Variants in PUM1 observed in about 807,000 individuals in gnomAD.
PUM1 encodes the protein pumilio homolog 1.
A neutral mutation model predicts 131.8 loss-of-function variants in PUM1; 13 were observed. That is an observed-to-expected ratio of 0.10 (90% CI 0.06 to 0.16). PUM1 has a LOEUF of 0.16. Among genes scored for constraint, PUM1 ranks in the 10% least tolerant of loss-of-function variants. PUM1 has a pLI of 1.00. For synonymous variants in PUM1, 509 were observed against 556.5 expected, an observed-to-expected ratio of 0.91 and a Z score of 1.20; for missense variants, 961 against 1,512.4, an observed-to-expected ratio of 0.64 and a Z score of 6.05.
At chr1:30,966,726 TA>T (rs953393053) in intron 12 of PUM1, among the ~76,000 whole-genome samples, 4 of 152,204 alleles carry the variant, frequency 2.6e-5, no homozygotes, top group African/African-American at 9.6e-5. Context: ...TATAAACACT[TA>T]AAGTAAAAAA....
In PUM1 at chr1:31,007,564, G is replaced by A. The variant is rs1642438845; in HGVS notation, c.433-462C>T. Among the ~76,000 whole-genome samples the A allele has an allele frequency of 2.0e-5, 3 of 152,272 alleles. No individual in the cohort carries two copies. In the South Asian group the frequency reaches 6.2e-4, roughly 32 times the overall value. ...GAACCAGCTATGAACCTCAGCTATG[G>A]AATGCCAGAGGCAAAATTCACTTCC... On this transcript the variant is annotated intron_variant, in intron 3 of 21. Coordinates refer to ENST00000426105, the MANE Select transcript of PUM1 (RefSeq NM_001020658.2).
intron 5 of PUM1, among the ~76,000 whole-genome samples, chr1:30,999,643 A>G (rs932498473): frequency 1.1e-4 from 15 of 131,732 alleles, no homozygotes; most frequent in Non-Finnish European, 1.5e-4. Flanking sequence ...AAAAAAAAAA[A>G]GGTGCTGAAC....
At chr1:31,012,098 G>A (rs1247302093) in intron 3 of PUM1, among the ~76,000 whole-genome samples, 1 of 151,950 alleles carries the variant, frequency 6.6e-6, no homozygotes, top group Non-Finnish European at 1.5e-5. Flanking sequence ...AATCTCCCTG[G>A]CTCCAACTCT....
chr1:31,003,601 AC>A (rs1446213653), intron 5 of PUM1, among the ~76,000 whole-genome samples: 1 of 152,158 alleles, frequency 6.6e-6, no homozygotes, highest in East Asian at 1.9e-4. Context: ...TACTAAAAAT[AC>A]AAAAATTACC....
chr1:31,055,845 T>A (rs1348572662), intron 2 of PUM1, among the ~76,000 whole-genome samples: 5 of 152,160 alleles, frequency 3.3e-5, no homozygotes, highest in Non-Finnish European at 7.4e-5. Context: ...TTTGCTCACC[T>A]AGCAAAGAAC....
chr1:30,934,744 A>C lies in PUM1; in HGVS notation c.3436-1402T>G, dbSNP rs150611197. On this transcript the variant is annotated intron_variant, in intron 21 of 21. Coordinates refer to ENST00000426105, the MANE Select transcript of PUM1 (RefSeq NM_001020658.2). ...CCTTTTAGAAAATAACTGAAATCCAATCCATTCCTCTGTCCCTGGAACTGG... is the reference window on the plus strand; with the variant it reads ...CCTTTTAGAAAATAACTGAAATCCACTCCATTCCTCTGTCCCTGGAACTGG... 2.1e-4 allele frequency among the ~76,000 whole-genome samples: 32 copies of C among 152,236 alleles called. 1 individual carries two copies. The highest frequency in any genetic ancestry group is 7.2e-4 in the African/African-American group (30 of 41,550).
At chr1:31,058,618 C>T (rs1377289238) in intron 2 of PUM1, among the ~76,000 whole-genome samples, 4 of 139,352 alleles carry the variant, frequency 2.9e-5, no homozygotes, top group Admixed American at 1.5e-4. Context: ...GCAGAGATCG[C>T]GCCAGTGCAC....
intron 3 of PUM1, among the ~76,000 whole-genome samples, chr1:31,016,595 G>A (rs1642826802): frequency 6.6e-6 from 1 of 152,032 alleles, no homozygotes; most frequent in Non-Finnish European, 1.5e-5. Flanking sequence ...TAAAATTTGT[G>A]TTCTCATTAA....
intron 10 of PUM1, among the ~76,000 whole-genome samples, chr1:30,969,330 A>AG (rs1335495248): frequency 3.4e-5 from 5 of 147,710 alleles, no homozygotes; most frequent in South Asian, 2.2e-4. Context: ...AAAAAAAAAA[A>AG]AAAAAAGAAA....
chr1:31,004,497 A>G (rs1178485274), intron 5 of PUM1, among the ~76,000 whole-genome samples: 2 of 152,204 alleles, frequency 1.3e-5, no homozygotes, highest in African/African-American at 4.8e-5. Flanking sequence ...GGGTGAAGAA[A>G]GAGAAGTAAC....
intron 2 of PUM1, among the ~76,000 whole-genome samples, chr1:31,044,346 G>T (rs1006317896): frequency 1.3e-5 from 2 of 152,226 alleles, no homozygotes; most frequent in African/African-American, 4.8e-5. Context: ...AGCCTGCAGT[G>T]AGCTGAGATC....
chr1:31,034,877 T>C (rs1001639482), intron 2 of PUM1, among the ~76,000 whole-genome samples: 2 of 152,094 alleles, frequency 1.3e-5, no homozygotes, highest in Admixed American at 6.6e-5. Flanking sequence ...ATCAGAATCG[T>C]TGATGCCAGG....
At position 30,941,125 on chromosome 1, in the gene PUM1, T is replaced by C. The variant is rs3795433; in HGVS notation, c.3242+26A>G. 126,744 of 1,596,186 alleles carry C rather than the reference T, an allele frequency of 0.079. 7,467 individuals carry two copies. The highest frequency in any genetic ancestry group is 0.29 in the East Asian group (12,997 of 44,642). ...ACTACTAATCCTCTCTTCTGGGAAA[T>C]AGTCCTTGTAACTCAAAGCACGTAC... On this transcript the variant is annotated intron_variant, in intron 20 of 21. Transcript: ENST00000426105.
intron 3 of PUM1, among the ~76,000 whole-genome samples, chr1:31,022,276 C>T (rs2124536029): frequency 6.6e-6 from 1 of 152,244 alleles, no homozygotes; most frequent in African/African-American, 2.4e-5. Flanking sequence ...ATTTATTAGT[C>T]TTCCCTCCAA....
intron 16 of PUM1, among the ~76,000 whole-genome samples, chr1:30,951,534 C>G (rs1473574946): frequency 6.6e-6 from 1 of 152,080 alleles, no homozygotes; most frequent in Non-Finnish European, 1.5e-5. Flanking sequence ...ATACCAGACT[C>G]CTCCTCATCT....
chr1:31,065,592 G>A, intron 1 of PUM1, 24 bp downstream of exon 1: 2 of 1,542,892 alleles, frequency 1.3e-6, no homozygotes, highest in South Asian at 1.2e-5. Context: ...CAGCGTTTGG[G>A]GCCGGTGGGG....
chr1:30,975,592 C>A (rs1641105116), intron 9 of PUM1, among the ~76,000 whole-genome samples: 1 of 141,432 alleles, frequency 7.1e-6, no homozygotes, highest in Non-Finnish European at 1.5e-5. Flanking sequence ...TGGGCTCAAG[C>A]GATCCATCTG....
rs1642352861 is a variant in PUM1, at chr1:31,005,087, A to C, written c.720+766T>G. Among the ~76,000 whole-genome samples the C allele has an allele frequency of 2.0e-5, 3 of 152,250 alleles. No homozygotes were observed. The South Asian group carries it at 6.2e-4, about 31-fold the overall frequency. ...GACAACAGTCGCAGAATTCAAAATGAGGAAGACTCAAATGGAAATACATCT... is the reference window on the plus strand; with the variant it reads ...GACAACAGTCGCAGAATTCAAAATGCGGAAGACTCAAATGGAAATACATCT... On this transcript the variant is annotated intron_variant, in intron 5 of 21. Transcript: ENST00000426105.
intron 1 of PUM1, among the ~76,000 whole-genome samples, chr1:31,062,175 C>A (rs528602202): frequency 3.9e-5 from 6 of 152,312 alleles, no homozygotes. Context: ...GCAGGAGTAA[C>A]TCAACAATAT....
Sources: allele counts gnomAD v4.1 joint callset (sites outside exome capture counted in the v4.1 genomes callset), GRCh38; gene constraint gnomAD v4.1.1; transcripts MANE v1.5; gene names NCBI Gene and HGNC (gene_info 2026-07-23, HGNC 2026-07-21).